MARCHF1: variants seen among roughly 807,000 people sequenced by gnomAD.
The protein encoded by MARCHF1 is membrane associated ring-CH-type finger 1.
MARCHF1 carries 40 observed loss-of-function variants against 54.2 expected under a neutral mutation model. The observed-to-expected ratio is 0.74, with a 90% CI of 0.57 to 0.96. The LOEUF (loss-of-function observed/expected upper bound fraction) is 0.96, where lower values mean the gene tolerates loss of function less well. Among genes scored for constraint, MARCHF1 ranks in the 40% least tolerant of loss-of-function variants. The pLI, the probability that MARCHF1 is intolerant of heterozygous loss-of-function variation, is 0.00. For synonymous variants in MARCHF1, 236 were observed against 236.3 expected, an observed-to-expected ratio of 1.00 and a Z score of 0.01; for missense variants, 586 against 656.5, an observed-to-expected ratio of 0.89 and a Z score of 1.17.
chr4:163,612,705 A>G lies in MARCHF1; in HGVS notation c.576T>C (p.Asn192=), dbSNP rs554933814. The G allele has an allele frequency of 5.2e-6, 8 of 1,535,526 alleles. No homozygotes were observed. The Admixed American group carries it at 5.9e-5, about 11-fold the overall frequency. ...ACCCAGCTAAGTTTTCACACGGCTT[A>G]TTATTATTTCTCCTCCTTCTTCTTG... ...RLSRRRRRNN[N]KPCENLAGSS... Residue 192 remains asparagine, a synonymous_variant, in exon 7 of 10, where the codon AAT becomes AAC. Coordinates refer to ENST00000514618, the MANE Select transcript of MARCHF1 (RefSeq NM_001394959.1).
Position 163,527,213 on chromosome 4 carries a change from C to CATCA in MARCHF1, c.*1531_*1534dup, listed in dbSNP as rs1738142604. ...CTAGCTCACTGCAATGTCATTCACA[C>CATCA]ATCAGTTTTACATGAATATGCAAAG... is the stretch of plus-strand genomic sequence containing the variant. On this transcript the variant is annotated 3_prime_UTR_variant, in exon 10 of 10. Transcript: ENST00000514618. 6.6e-6 allele frequency: 1 copy of CATCA among 152,016 alleles called. No homozygotes were observed. The highest frequency in any genetic ancestry group is 2.4e-5 in the African/African-American group (1 of 41,426). The allele number at this position is 152,016 out of a possible 1,614,324, so 9.4% of individuals were successfully genotyped here. A position where few individuals can be genotyped will look rare whatever the true frequency, so the allele number is the denominator to read the frequency against.
At chr4:163,965,786 G>C (rs1431629729) in intron 3 of MARCHF1, among the ~76,000 whole-genome samples, 2 of 152,012 alleles carry the variant, frequency 1.3e-5, no homozygotes, top group Non-Finnish European at 1.5e-5. Flanking sequence ...CATAACTGGA[G>C]CACATAATGT....
At chr4:163,645,629 G>A (rs1310857084) in intron 5 of MARCHF1, among the ~76,000 whole-genome samples, 3 of 152,196 alleles carry the variant, frequency 2.0e-5, no homozygotes, top group Non-Finnish European at 2.9e-5. Context: ...GATCAGAAAA[G>A]CAATGCACGA....
At chr4:164,247,974 A>G (rs1213706801) in intron 1 of MARCHF1, among the ~76,000 whole-genome samples, 1 of 151,538 alleles carries the variant, frequency 6.6e-6, no homozygotes, top group African/African-American at 2.4e-5. Flanking sequence ...GGAAAATACA[A>G]TCTACCACAC....
intron 3 of MARCHF1, among the ~76,000 whole-genome samples, chr4:163,855,223 T>G (rs1426751487): frequency 6.6e-6 from 1 of 152,140 alleles, no homozygotes; most frequent in African/African-American, 2.4e-5. Context: ...ATAAAAAAGA[T>G]CTTTTATTAA....
intron 1 of MARCHF1, among the ~76,000 whole-genome samples, chr4:164,322,606 G>T (rs1735170796): frequency 6.6e-6 from 1 of 152,044 alleles, no homozygotes; most frequent in Non-Finnish European, 1.5e-5. Context: ...ATAAATGCTT[G>T]AAGGGATGGA....
chr4:163,880,648 G>A (rs1750394637), intron 3 of MARCHF1, among the ~76,000 whole-genome samples: 1 of 151,874 alleles, frequency 6.6e-6, no homozygotes, highest in African/African-American at 2.4e-5. Context: ...GAAGTAGGAA[G>A]GTTTTATTGC....
intron 1 of MARCHF1, among the ~76,000 whole-genome samples, chr4:164,219,064 C>T (rs1264869690): frequency 2.6e-5 from 4 of 151,992 alleles, no homozygotes; most frequent in African/African-American, 9.7e-5. Context: ...TCGAGAAATA[C>T]AAACTTAGCT....
intron 8 of MARCHF1, among the ~76,000 whole-genome samples, chr4:163,561,453 T>C (rs535469051): frequency 1.3e-5 from 2 of 152,220 alleles, no homozygotes; most frequent in Non-Finnish European, 2.9e-5. Context: ...AAGGGAGAGG[T>C]TGGATACATA....
intron 3 of MARCHF1, among the ~76,000 whole-genome samples, chr4:163,879,465 G>A (rs1464715830): frequency 6.6e-6 from 1 of 152,118 alleles, no homozygotes; most frequent in African/African-American, 2.4e-5. Context: ...AAACAAAGAA[G>A]GAGGCCTCTA....
At chr4:163,636,005 C>G (rs1742305047) in intron 5 of MARCHF1, among the ~76,000 whole-genome samples, 1 of 152,246 alleles carries the variant, frequency 6.6e-6, no homozygotes, top group Admixed American at 6.5e-5. Context: ...ACATGATTAT[C>G]TCAATAGATG....
chr4:163,721,895 T>A (rs1315417306), intron 4 of MARCHF1, among the ~76,000 whole-genome samples: 1 of 152,142 alleles, frequency 6.6e-6, no homozygotes, highest in Non-Finnish European at 1.5e-5. Context: ...TCATTTTTTA[T>A]TGCGCCTATT....
At chr4:163,697,674 T>C (rs1744678591) in intron 5 of MARCHF1, among the ~76,000 whole-genome samples, 1 of 152,184 alleles carries the variant, frequency 6.6e-6, no homozygotes, top group African/African-American at 2.4e-5. Flanking sequence ...TCTGTGATTT[T>C]CCTGTGTCTA....
At chr4:163,899,536 T>C (rs543887141) in intron 3 of MARCHF1, among the ~76,000 whole-genome samples, 2 of 152,226 alleles carry the variant, frequency 1.3e-5, no homozygotes, top group East Asian at 3.9e-4. Flanking sequence ...CCTGGCTGTG[T>C]CCTCAGATCT....
intron 4 of MARCHF1, among the ~76,000 whole-genome samples, chr4:163,852,329 C>T (rs574012974): frequency 1.1e-4 from 16 of 152,220 alleles, no homozygotes; most frequent in South Asian, 1.0e-3. Flanking sequence ...AAAATTTGCT[C>T]ACAGTTTTTA....
At chr4:163,613,078 G>C (rs1468823718) in intron 6 of MARCHF1, 40 bp from the exon 7 acceptor site, 3 of 1,439,938 alleles carry the variant, frequency 2.1e-6, no homozygotes, top group Non-Finnish European at 2.7e-6. Context: ...AATGGGAATG[G>C]AGAGGAAAGC....
chr4:164,334,039 G>A, intron 1 of MARCHF1, among the ~76,000 whole-genome samples: 1 of 152,212 alleles, frequency 6.6e-6, no homozygotes, highest in East Asian at 1.9e-4. Flanking sequence ...AGCTGCAGAA[G>A]AAAAGTTGGA....
At chr4:163,909,104 T>C (rs949615962) in intron 3 of MARCHF1, among the ~76,000 whole-genome samples, 50 of 152,208 alleles carry the variant, frequency 3.3e-4, no homozygotes, top group African/African-American at 1.1e-3. Context: ...GATTAAAAAT[T>C]ATTTTTAATG....
At chr4:164,101,307 G>A (rs11945716) in intron 2 of MARCHF1, among the ~76,000 whole-genome samples, 4,134 of 150,992 alleles carry the variant, frequency 0.027, 174 homozygotes, top group African/African-American at 0.095. Context: ...ACCTCTGGGG[G>A]CAGGGCACAG....
Sources: gnomAD v4.1 joint callset for allele counts (sites outside exome capture counted in the v4.1 genomes callset) on GRCh38, gnomAD v4.1.1 for gene constraint, MANE v1.5 for transcripts, NCBI Gene and HGNC (gene_info 2026-07-23, HGNC 2026-07-21) for gene names.